The following CAMK4 variants were observed in gnomAD, a reference collection of about 807,000 sequenced individuals.
CAMK4 encodes the protein calcium/calmodulin dependent protein kinase IV.
A neutral mutation model predicts 44.9 loss-of-function variants in CAMK4; 22 were observed. That is an observed-to-expected ratio of 0.49 (90% CI 0.35 to 0.70). The LOEUF (loss-of-function observed/expected upper bound fraction) is 0.70. Among genes scored for constraint, CAMK4 ranks in the 30% least tolerant of loss-of-function variants. CAMK4 has a pLI of 0.01. For synonymous variants in CAMK4, 218 were observed against 215.4 expected (o/e 1.01, Z -0.11); for missense variants, 498 against 586.8 (o/e 0.85, Z 1.56).
chr5:111,298,809 C>G (rs1038077071), intron 1 of CAMK4, among the ~76,000 whole-genome samples: 1 of 152,252 alleles, frequency 6.6e-6, no homozygotes, highest in African/African-American at 2.4e-5. Flanking sequence ...ATAGTAACTA[C>G]TGCCCAAGGA....
Position 111,224,905 on chromosome 5 carries a change from C to G in CAMK4, c.161+261C>G, listed in dbSNP as rs1309428845. ...CCTCCTTCTCGCAGGCTGCCACTTCCCTTGGGTGACAGCTCCCACCGCACG... is the reference window on the plus strand; with the variant it reads ...CCTCCTTCTCGCAGGCTGCCACTTCGCTTGGGTGACAGCTCCCACCGCACG... On this transcript the variant is annotated intron_variant, in intron 1 of 10. Transcript: ENST00000282356. The surrounding 1 kb of genome is among the most constrained non-coding windows in gnomAD (Gnocchi z 5.7). Among the ~76,000 whole-genome samples the G allele has an allele frequency of 6.6e-6, 1 of 151,344 alleles. No individual in the cohort carries two copies. Among genetic ancestry groups the G allele is most frequent in the Non-Finnish European group, 1.5e-5 (1 of 67,728 alleles).
rs913969154 is a variant in CAMK4 at position 111,487,339 on chromosome 5, T to G, written c.*2873T>G. 1 of 152,178 alleles carries G rather than the reference T, an allele frequency of 6.6e-6. No homozygotes were observed. The highest frequency in any genetic ancestry group is 2.4e-5 in the African/African-American group (1 of 41,442). 9.4% of individuals were successfully genotyped at this position (152,178 alleles called of 1,614,324 possible). On this transcript the variant is annotated 3_prime_UTR_variant, in exon 11 of 11. Coordinates refer to ENST00000282356, the MANE Select transcript of CAMK4 (RefSeq NM_001744.6). ...TAAACTAGGTTTTTTTTTATAACCATGAAGGACAGTCTTGAATTATTTCCC... is the reference window on the plus strand; with the variant it reads ...TAAACTAGGTTTTTTTTTATAACCAGGAAGGACAGTCTTGAATTATTTCCC...
intron 5 of CAMK4, among the ~76,000 whole-genome samples, chr5:111,418,299 C>T (rs987484771): frequency 6.6e-6 from 1 of 152,082 alleles, no homozygotes; most frequent in African/African-American, 2.4e-5. Flanking sequence ...GGGTCACAGA[C>T]ATCAAGTACT....
intron 1 of CAMK4, among the ~76,000 whole-genome samples, chr5:111,311,982 G>C (rs375893516): frequency 6.6e-6 from 1 of 152,134 alleles, no homozygotes; most frequent in African/African-American, 2.4e-5. Flanking sequence ...TCATATTTTA[G>C]AAAAGTCAAA....
In CAMK4 at chr5:111,248,301, G is replaced by C. The variant is rs975493008; in HGVS notation, c.161+23657G>C. Among the ~76,000 whole-genome samples the C allele has an allele frequency of 7.9e-5, 12 of 151,912 alleles. 1 individual carries two copies. Among genetic ancestry groups the C allele is most frequent in the Non-Finnish European group, 1.3e-4 (9 of 68,000 alleles). On this transcript the variant is annotated intron_variant, in intron 1 of 10. Coordinates refer to ENST00000282356, the MANE Select transcript of CAMK4 (RefSeq NM_001744.6). ...GGTTAATGATTTTAATATTTGTTCA[G>C]AGCTATCACTTTCTCTTGGCAGAAA...
Position 111,494,537 on chromosome 5 carries a change from AC to A in CAMK4, c.*10072del, listed in dbSNP as rs1280891178. On this transcript the variant is annotated 3_prime_UTR_variant, in exon 11 of 11. Coordinates refer to ENST00000282356, the MANE Select transcript of CAMK4 (RefSeq NM_001744.6). ...AGTTTCTACTTCTTACAGATGGGAC[AC>A]AACAGTCATGGGCTGTCTCAGCTGC... The A allele has an allele frequency of 6.6e-6, 1 of 152,076 alleles. No homozygotes were observed. Among genetic ancestry groups the A allele is most frequent in the African/African-American group, 2.4e-5 (1 of 41,406 alleles). 9.4% of individuals were successfully genotyped at this position (152,076 alleles called of 1,614,324 possible). A position where few individuals can be genotyped will look rare whatever the true frequency, so the allele number is the denominator to read the frequency against.
chr5:111,338,321 G>T (rs1452918857), intron 1 of CAMK4, among the ~76,000 whole-genome samples: 1 of 151,084 alleles, frequency 6.6e-6, no homozygotes, highest in Admixed American at 6.6e-5. Context: ...TCTTGCATTT[G>T]TTCCTCCTGG....
chr5:111,376,480 G>T (rs1296060704), intron 3 of CAMK4, among the ~76,000 whole-genome samples: 4 of 152,038 alleles, frequency 2.6e-5, no homozygotes, highest in African/African-American at 7.2e-5. Context: ...GAAGAAATAG[G>T]CATTTTGTAC....
At chr5:111,235,718 A>C (rs1281182708) in intron 1 of CAMK4, among the ~76,000 whole-genome samples, 9 of 152,256 alleles carry the variant, frequency 5.9e-5, no homozygotes. Flanking sequence ...ATGGAATGTC[A>C]GGACTGAGCT....
At chr5:111,362,481 G>T (rs564144978) in intron 2 of CAMK4, among the ~76,000 whole-genome samples, 1 of 151,876 alleles carries the variant, frequency 6.6e-6, no homozygotes, top group Non-Finnish European at 1.5e-5. Context: ...ATTTGAAAAT[G>T]TAAAAAGAAG....
chr5:111,268,923 T>G (rs1484195350), intron 1 of CAMK4, among the ~76,000 whole-genome samples: 1 of 152,120 alleles, frequency 6.6e-6, no homozygotes, highest in Non-Finnish European at 1.5e-5. Flanking sequence ...ACAACTTGTA[T>G]TATATCAATT....
At chr5:111,387,765 TC>T (rs1190331527) in intron 4 of CAMK4, among the ~76,000 whole-genome samples, 1 of 152,172 alleles carries the variant, frequency 6.6e-6, no homozygotes, top group Non-Finnish European at 1.5e-5. Context: ...CTGTGGGTGA[TC>T]CAAGCAACAA....
intron 1 of CAMK4, among the ~76,000 whole-genome samples, chr5:111,245,636 G>C (rs1051592669): frequency 6.6e-6 from 1 of 152,096 alleles, no homozygotes; most frequent in Non-Finnish European, 1.5e-5. Context: ...AGTTTCACTT[G>C]ACTTCTCCAA....
chr5:111,235,841 C>T lies in CAMK4; in HGVS notation c.161+11197C>T, dbSNP rs561318307. On this transcript the variant is annotated intron_variant, in intron 1 of 10. Coordinates refer to ENST00000282356, the MANE Select transcript of CAMK4 (RefSeq NM_001744.6). ...CCAAGTAGTGGAGGGGAGTGATCCT[C>T]GGGGAGCCACCTCTAAGGGGAGAGG... Among the ~76,000 whole-genome samples the T allele has an allele frequency of 3.3e-5, 5 of 152,176 alleles. No homozygotes were observed. The East Asian group carries it at 5.8e-4, about 18-fold the overall frequency.
intron 1 of CAMK4, among the ~76,000 whole-genome samples, chr5:111,255,320 C>T (rs1035837766): frequency 2.0e-5 from 3 of 152,156 alleles, no homozygotes; most frequent in Admixed American, 2.0e-4. Flanking sequence ...AAACTCTTCC[C>T]AAGTATCAAG....
intron 1 of CAMK4, among the ~76,000 whole-genome samples, chr5:111,327,503 C>T (rs1223692167): frequency 6.4e-4 from 97 of 152,118 alleles, no homozygotes; most frequent in Non-Finnish European, 1.1e-3. Flanking sequence ...GCATGATTTA[C>T]AGTCCTTTGG....
intron 7 of CAMK4, among the ~76,000 whole-genome samples, chr5:111,459,765 G>A (rs189207053): frequency 6.5e-5 from 9 of 137,760 alleles, no homozygotes; most frequent in African/African-American, 2.0e-4. Flanking sequence ...CTTGATCTCC[G>A]CTCACTGCAT....
intron 5 of CAMK4, among the ~76,000 whole-genome samples, chr5:111,430,604 A>G (rs1335611170): frequency 1.3e-5 from 2 of 152,252 alleles, no homozygotes; most frequent in African/African-American, 2.4e-5. Flanking sequence ...CAGATTTGGT[A>G]AAGTCACAGG....
chr5:111,332,800 A>G (rs1202094960), intron 1 of CAMK4, among the ~76,000 whole-genome samples: 1 of 151,638 alleles, frequency 6.6e-6, no homozygotes, highest in Non-Finnish European at 1.5e-5. Context: ...AGACAGCAGG[A>G]AAAATTGCAG....
Sources: gnomAD v4.1 joint callset for allele counts (sites outside exome capture counted in the v4.1 genomes callset) on GRCh38, gnomAD v4.1.1 for gene constraint, Gnocchi (gnomAD v3.1) non-coding constraint, MANE v1.5 for transcripts, NCBI Gene and HGNC (gene_info 2026-07-23, HGNC 2026-07-21) for gene names.